ALKAL2: variants seen among roughly 807,000 people sequenced by gnomAD.
The protein encoded by ALKAL2 is ALK and LTK ligand 2.
ALKAL2 carries 8 observed loss-of-function variants against 18.5 expected under a neutral mutation model. That is an observed-to-expected ratio of 0.43 (90% CI 0.25 to 0.78). ALKAL2 has a LOEUF of 0.78. ALKAL2 is among the 30% of genes least tolerant of loss of function. ALKAL2 has a pLI of 0.22. For synonymous variants in ALKAL2, 135 were observed against 95.8 expected (o/e 1.41, Z -2.39); for missense variants, 241 against 211.2 (o/e 1.14, Z -0.88).
chr2:285,079 C>T (rs188312305), intron 4 of ALKAL2, among the ~76,000 whole-genome samples: 1 of 152,258 alleles, frequency 6.6e-6, no homozygotes, highest in East Asian at 1.9e-4. Context: ...GCCGAGGCTG[C>T]GTTCCATGCA....
chr2:288,022 C>T lies in ALKAL2; in HGVS notation c.-67G>A. On this transcript the variant is annotated 5_prime_UTR_variant, in exon 1 of 6. Coordinates refer to ENST00000403610, the MANE Select transcript of ALKAL2 (RefSeq NM_001002919.3). ...GGACCCGGCCCCTCACCTCCGCGGA[C>T]CCCGAGGAACAAGCCGGCAGGTGAG... 4.9e-6 allele frequency: 6 copies of T among 1,223,630 alleles called. No individual in the cohort carries two copies. Among genetic ancestry groups the T allele is most frequent in the Non-Finnish European group, 6.1e-6 (6 of 984,402 alleles). The allele number at this position is 1,223,630 out of a possible 1,614,324, so 75.8% of individuals were successfully genotyped here.
Position 286,051 on chromosome 2 carries a change from A to C in ALKAL2, c.388+72T>G. 2.2e-6 allele frequency: 3 copies of C among 1,352,566 alleles called. No individual in the cohort carries two copies. The South Asian group carries it at 3.7e-5, about 17-fold the overall frequency. 83.8% of individuals were successfully genotyped at this position (1,352,566 alleles called of 1,614,324 possible). On this transcript the variant is annotated intron_variant, in intron 4 of 5. Transcript: ENST00000403610. Reference sequence around the variant, plus strand: ...AGCTAAGAAGGCAGGGGCCTATATGAGGAAATGGAAAGAGGGGAACCGCTG... The same window carrying C: ...AGCTAAGAAGGCAGGGGCCTATATGCGGAAATGGAAAGAGGGGAACCGCTG...
At chr2:283,267 A>G in intron 4 of ALKAL2, 92 bp from the exon 5 acceptor site, 1 of 1,518,530 alleles carries the variant, frequency 6.6e-7, no homozygotes, top group Non-Finnish European at 8.8e-7. Flanking sequence ...AAAGCCATTT[A>G]TTTCTTCAAA....
Position 283,156 on chromosome 2 carries a change from C to G in ALKAL2, c.408G>C (p.Arg136Ser). 3 of 1,613,220 alleles carry G rather than the reference C, an allele frequency of 1.9e-6. No individual in the cohort carries two copies. The highest frequency in any genetic ancestry group is 2.2e-5 in the South Asian group (2 of 90,746). Reference protein sequence around the residue: ...TIPAYYKRCARLLTRLAVSPV... With the variant: ...TIPAYYKRCASLLTRLAVSPV... Reference sequence around the variant, plus strand: ...GACTGACAGCCAGCCGGGTAAGAAGCCTGGCGCATCTTTTATAGTCTACGG... The same window carrying G: ...GACTGACAGCCAGCCGGGTAAGAAGGCTGGCGCATCTTTTATAGTCTACGG... Residue 136 changes from arginine (R) to serine (S), a missense_variant, in exon 5 of 6, where the codon AGG becomes AGC. Transcript: ENST00000403610.
chr2:287,607 C>G lies in ALKAL2; in HGVS notation c.229G>C (p.Gly77Arg). Residue 77 changes from glycine (G) to arginine (R), a missense_variant, in exon 2 of 6, where the codon GGG (glycine) becomes CGG (arginine). Coordinates refer to ENST00000403610, the MANE Select transcript of ALKAL2 (RefSeq NM_001002919.3). Reference protein sequence around the residue: ...ALGRAEAAGLGPSPEQRVEIV... With the variant: ...ALGRAEAAGLRPSPEQRVEIV... The stretch of plus-strand genomic sequence containing the variant: ...CCCACTCGCTGCTCCGGCGAAGGCC[C>G]CAGCCCCGCCGCCTCCGCGCGGCCC... 1 of 1,475,478 alleles carries G rather than the reference C, an allele frequency of 6.8e-7. No homozygotes were observed. The highest frequency in any genetic ancestry group is 8.9e-7 in the Non-Finnish European group (1 of 1,119,204). 91.4% of individuals were successfully genotyped at this position (1,475,478 alleles called of 1,614,324 possible).
chr2:288,010 C>G lies in ALKAL2; in HGVS notation c.-58+3G>C. ...GCCGCTGGCGCTGGACCCGGCCCCT[C>G]ACCTCCGCGGACCCCGAGGAACAAG... On this transcript the variant is annotated splice_donor_region_variant and intron_variant, in intron 1 of 5. Coordinates refer to ENST00000403610, the MANE Select transcript of ALKAL2 (RefSeq NM_001002919.3). 8.1e-7 allele frequency: 1 copy of G among 1,228,852 alleles called. No homozygotes were observed. The highest frequency in any genetic ancestry group is 1.0e-6 in the Non-Finnish European group (1 of 987,560). The allele number at this position is 1,228,852 out of a possible 1,614,324, so 76.1% of individuals were successfully genotyped here.
Position 287,653 on chromosome 2 carries a change from G to C in ALKAL2, c.183C>G (p.Leu61=). 1 of 1,482,388 alleles carries C rather than the reference G, an allele frequency of 6.7e-7. No individual in the cohort carries two copies. Among genetic ancestry groups the C allele is most frequent in the Non-Finnish European group, 8.9e-7 (1 of 1,122,508 alleles). 91.8% of individuals were successfully genotyped at this position (1,482,388 alleles called of 1,614,324 possible). Residue 61 remains leucine (L), a synonymous_variant, in exon 2 of 6, where the codon CTC becomes CTG. Transcript: ENST00000403610. ...HHSAEHKGLQ[L]LGRDCALGRA... is the part of the protein sequence containing the mutation. ...GGCCCAGGGCGCAGTCCCGCCCGAG[G>C]AGCTGCAGGCCCTTGTGCTCCGCCG...
rs369486857 is a variant in ALKAL2 at position 283,118 on chromosome 2, T to G, written c.446A>C (p.Glu149Ala). The change falls in exon 5 of 6, where the codon GAG becomes GCG. Residue 149 changes from glutamate (E) to alanine (A), a missense_variant. Coordinates refer to ENST00000403610, the MANE Select transcript of ALKAL2 (RefSeq NM_001002919.3). ...GTGTCTGTCCAAGCTTACCTTATCC[T>G]CCATGCACACTGGACTGACAGCCAG... Reference protein sequence around the residue: ...TRLAVSPVCMEDKQ With the variant: ...TRLAVSPVCMADKQ 27 of 1,612,140 alleles carry G rather than the reference T, an allele frequency of 1.7e-5. No individual in the cohort carries two copies. The highest frequency in any genetic ancestry group is 2.2e-5 in the Non-Finnish European group (26 of 1,179,258).
chr2:281,588 C>T (rs991606211), intron 5 of ALKAL2, among the ~76,000 whole-genome samples: 1 of 152,168 alleles, frequency 6.6e-6, no homozygotes, highest in African/African-American at 2.4e-5. Flanking sequence ...ATGACCACGT[C>T]CTTCAGTGTA....
intron 2 of ALKAL2, chr2:287,336 G>C (rs1018890349): frequency 5.3e-6 from 2 of 380,520 alleles, no homozygotes; most frequent in Non-Finnish European, 9.3e-6. Flanking sequence ...ACGGTTGACA[G>C]TTTAGTGTGG....
Position 286,017 on chromosome 2 carries a change from G to A in ALKAL2, c.388+106C>T, listed in dbSNP as rs1242017193. ...TAACTCCATAGTGAGGAAGGAATAGGCAAATTTGAGCTAAGAAGGCAGGGG... is the reference window on the plus strand; with the variant it reads ...TAACTCCATAGTGAGGAAGGAATAGACAAATTTGAGCTAAGAAGGCAGGGG... On this transcript the variant is annotated intron_variant, in intron 4 of 5. Coordinates refer to ENST00000403610, the MANE Select transcript of ALKAL2 (RefSeq NM_001002919.3). The A allele has an allele frequency of 4.1e-6, 4 of 964,694 alleles. No individual in the cohort carries two copies. In the African/African-American group the frequency reaches 4.9e-5, roughly 12 times the overall value. The allele number at this position is 964,694 out of a possible 1,614,324, so 59.8% of individuals were successfully genotyped here.
chr2:283,702 G>A (rs755074729), intron 4 of ALKAL2: 2 of 478,980 alleles, frequency 4.2e-6, no homozygotes, highest in Non-Finnish European at 2.7e-6. Flanking sequence ...CCTTGGTATC[G>A]TACACAGTCT....
intron 5 of ALKAL2, among the ~76,000 whole-genome samples, chr2:280,980 C>A (rs1241892206): frequency 6.6e-6 from 1 of 152,208 alleles, no homozygotes. Flanking sequence ...GCAGGTTAAC[C>A]AGCAGAACTG....
At chr2:287,495 A>C in intron 2 of ALKAL2, 88 bp downstream of exon 2, 6 of 923,586 alleles carry the variant, frequency 6.5e-6, no homozygotes, top group Non-Finnish European at 8.8e-6. Context: ...CAGTGGTCAA[A>C]ATTGATGTCT....
At chr2:287,982 G>A in intron 1 of ALKAL2, 31 bp downstream of exon 1, 1 of 1,234,326 alleles carries the variant, frequency 8.1e-7, no homozygotes, top group Non-Finnish European at 1.0e-6. Flanking sequence ...GGAGGCGGGA[G>A]GAGCCGCTGG....
rs1670269317 is a variant in ALKAL2 at position 279,588 on chromosome 2, GTGTT to G, written c.*555_*558del. ...ATAACAAACACTTCATTTATTACTT[GTGTT>G]TATTTACACTATTTACATATTGCAC... On this transcript the variant is annotated 3_prime_UTR_variant, in exon 6 of 6. Coordinates refer to ENST00000403610, the MANE Select transcript of ALKAL2 (RefSeq NM_001002919.3). The G allele has an allele frequency of 6.5e-6, 1 of 153,086 alleles. No individual in the cohort carries two copies. Among genetic ancestry groups the G allele is most frequent in the African/African-American group, 2.4e-5 (1 of 41,412 alleles). The allele number at this position is 153,086 out of a possible 1,614,324, so 9.5% of individuals were successfully genotyped here.
chr2:287,812 G>A lies in ALKAL2; in HGVS notation c.24C>T (p.Leu8=), dbSNP rs1670578856. The part of the protein sequence containing the change: MRGPGHP[L]LLGLLLVLGA... ...CCAGCACCAGCAGCAGCCCCAGGAGGAGGGGGTGCCCGGGTCCGCGCATCG... is the reference window on the plus strand; with the variant it reads ...CCAGCACCAGCAGCAGCCCCAGGAGAAGGGGGTGCCCGGGTCCGCGCATCG... The change falls in exon 2 of 6, where the codon CTC becomes CTT. Residue 8 remains leucine, a synonymous_variant. Coordinates refer to ENST00000403610, the MANE Select transcript of ALKAL2 (RefSeq NM_001002919.3). The A allele has an allele frequency of 3.5e-5, 47 of 1,346,118 alleles. No homozygotes were observed. Among genetic ancestry groups the A allele is most frequent in the Non-Finnish European group, 4.2e-5 (44 of 1,058,430 alleles). The allele number at this position is 1,346,118 out of a possible 1,614,324, so 83.4% of individuals were successfully genotyped here. A position where few individuals can be genotyped will look rare whatever the true frequency, so the allele number is the denominator to read the frequency against.
chr2:287,627 C>T lies in ALKAL2; in HGVS notation c.209G>A (p.Arg70His). The change falls in exon 2 of 6, where the codon CGC (arginine) becomes CAC (histidine). Residue 70 changes from arginine (R) to histidine (H), a missense_variant. Coordinates refer to ENST00000403610, the MANE Select transcript of ALKAL2 (RefSeq NM_001002919.3). ...QLLGRDCALG[R>H]AEAAGLGPSP... ...AGGCCCCAGCCCCGCCGCCTCCGCG[C>T]GGCCCAGGGCGCAGTCCCGCCCGAG... 2 of 1,477,188 alleles carry T rather than the reference C, an allele frequency of 1.4e-6. No individual in the cohort carries two copies. The highest frequency in any genetic ancestry group is 1.3e-5 in the South Asian group (1 of 77,984). The allele number at this position is 1,477,188 out of a possible 1,614,324, so 91.5% of individuals were successfully genotyped here.
chr2:287,867 C>T lies in ALKAL2; in HGVS notation c.-32G>A, dbSNP rs1488646439. The T allele has an allele frequency of 7.9e-7, 1 of 1,269,952 alleles. No homozygotes were observed. Among genetic ancestry groups the T allele is most frequent in the Middle Eastern group, 3.0e-4 (1 of 3,308 alleles). The allele number at this position is 1,269,952 out of a possible 1,614,324, so 78.7% of individuals were successfully genotyped here. On this transcript the variant is annotated 5_prime_UTR_variant, in exon 2 of 6. Coordinates refer to ENST00000403610, the MANE Select transcript of ALKAL2 (RefSeq NM_001002919.3). Reference sequence around the variant, plus strand: ...CTCGGGGCCGCGGGGCTGGGAGACTCCGACACGCGCCGAGAGCTGGGCTCG... The same window carrying T: ...CTCGGGGCCGCGGGGCTGGGAGACTTCGACACGCGCCGAGAGCTGGGCTCG...
Sources: gnomAD v4.1 joint callset for allele counts (sites outside exome capture counted in the v4.1 genomes callset) on GRCh38, gnomAD v4.1.1 for gene constraint, MANE v1.5 for transcripts, NCBI Gene and HGNC (gene_info 2026-07-23, HGNC 2026-07-21) for gene names.